Variants in TRAK2 observed in about 807,000 individuals in gnomAD.
TRAK2 encodes trafficking kinesin-binding protein 2.
Under a neutral mutation model 104.6 loss-of-function variants are expected in TRAK2, and 81 were observed. The ratio of observed to expected loss-of-function variants is 0.77; its 90% CI spans 0.65 to 0.93. The LOEUF (loss-of-function observed/expected upper bound fraction) is 0.93, where lower values mean the gene tolerates loss of function less well. Among genes scored for constraint, TRAK2 ranks in the 40% least tolerant of loss-of-function variants. The pLI, the probability that TRAK2 is intolerant of heterozygous loss-of-function variation, is 0.00. For synonymous variants in TRAK2, 406 were observed against 394.4 expected, an observed-to-expected ratio of 1.03 and a Z score of -0.35; for missense variants, 1,002 against 1,089.0, an observed-to-expected ratio of 0.92 and a Z score of 1.12.
At chr2:201,424,725 C>G (rs1951772359) in intron 1 of TRAK2, among the ~76,000 whole-genome samples, 1 of 152,124 alleles carries the variant, frequency 6.6e-6, no homozygotes, top group Admixed American at 6.5e-5. Flanking sequence ...GCCTCAGCCT[C>G]CCGAGTAGCT....
chr2:201,419,059 T>C (rs1951717315), intron 2 of TRAK2: 1 of 152,130 alleles, frequency 6.6e-6, no homozygotes, highest in Non-Finnish European at 1.5e-5. Flanking sequence ...GGCAAATGAT[T>C]TGAATAAACA....
intron 1 of TRAK2, among the ~76,000 whole-genome samples, chr2:201,431,922 C>T (rs923173977): frequency 6.6e-6 from 1 of 152,098 alleles, no homozygotes; most frequent in Admixed American, 6.5e-5. Flanking sequence ...TGAATTATGA[C>T]AGGATAATAG....
chr2:201,383,748 G>A (rs2125639758), intron 15 of TRAK2, among the ~76,000 whole-genome samples: 1 of 152,300 alleles, frequency 6.6e-6, no homozygotes, highest in African/African-American at 2.4e-5. Flanking sequence ...GGAACCCTCT[G>A]CACTTGCAGG....
intron 15 of TRAK2, 80 bp from the exon 16 acceptor site, chr2:201,381,298 AG>A (rs1951343020): frequency 1.5e-6 from 2 of 1,297,198 alleles, no homozygotes; most frequent in African/African-American, 3.0e-5. Flanking sequence ...AAGAAATTAT[AG>A]TAGTTATCCT....
In TRAK2 at chr2:201,380,933, A is replaced by T. The variant is rs150651004; in HGVS notation, c.2355T>A (p.Pro785=). 5.5e-5 allele frequency: 88 copies of T among 1,614,010 alleles called. No homozygotes were observed. The African/African-American group carries it at 1.1e-3, about 20-fold the overall frequency. ...GCTCAAAGGGTAAAGGAGAAGGGCA[A>T]GGTGAGTGAGATGGTGAATTTGGTG... ...STPPNSPSHS[P]CPSPLPFEPR... Residue 785 remains proline (P), a synonymous_variant, in exon 16 of 16, where the codon CCT becomes CCA. Transcript: ENST00000332624.
intron 13 of TRAK2, among the ~76,000 whole-genome samples, chr2:201,387,126 C>G (rs530262538): frequency 6.6e-6 from 1 of 152,186 alleles, no homozygotes; most frequent in African/African-American, 2.4e-5. Flanking sequence ...AAGTTACACA[C>G]TCAAAATTTC....
intron 2 of TRAK2, chr2:201,410,429 T>C (rs1951635446): frequency 3.4e-6 from 2 of 586,936 alleles, no homozygotes; most frequent in East Asian, 5.6e-5. Flanking sequence ...ACAGATGTTT[T>C]CTGTCACAGA....
At chr2:201,411,111 G>T (rs1488789005) in intron 2 of TRAK2, 3 of 963,168 alleles carry the variant, frequency 3.1e-6, no homozygotes, top group South Asian at 1.4e-5. Context: ...ACTTGAAGCA[G>T]AAGGTTTAGG....
At position 201,408,312 on chromosome 2, in the gene TRAK2, AATTTTTT is replaced by A. The variant is rs530106424; in HGVS notation, c.92-722_92-716del. 3.8e-3 allele frequency among the ~76,000 whole-genome samples: 582 copies of A among 152,148 alleles called. 1 individual carries two copies. The highest frequency in any genetic ancestry group is 5.3e-3 in the Non-Finnish European group (360 of 67,972). ...TATAACTATGCTTTTTTTAATTTTT[AATTTTTT>A]AATTTTTAAAAGTTTTTATTTTAGG... On this transcript the variant is annotated intron_variant, in intron 2 of 15. Transcript: ENST00000332624.
At chr2:201,390,070 A>C (rs1326829618) in intron 10 of TRAK2, among the ~76,000 whole-genome samples, 190 bp from the exon 11 acceptor site, 1 of 152,242 alleles carries the variant, frequency 6.6e-6, no homozygotes, top group African/African-American at 2.4e-5. Flanking sequence ...ATCTTTTCAA[A>C]TAGGAAAGTA....
intron 1 of TRAK2, among the ~76,000 whole-genome samples, chr2:201,450,364 G>A (rs916900609): frequency 6.6e-6 from 1 of 151,778 alleles, no homozygotes; most frequent in East Asian, 1.9e-4. Flanking sequence ...GCAGTGAGCC[G>A]AGATCACCCC....
chr2:201,421,202 G>T (rs146059219), intron 1 of TRAK2, among the ~76,000 whole-genome samples: 91 of 152,210 alleles, frequency 6.0e-4, no homozygotes, highest in Non-Finnish European at 9.9e-4. Flanking sequence ...AGAATGTTTT[G>T]CAGTAGCATG....
At chr2:201,406,053 G>A (rs1951592145) in intron 3 of TRAK2, among the ~76,000 whole-genome samples, 1 of 152,134 alleles carries the variant, frequency 6.6e-6, no homozygotes, top group African/African-American at 2.4e-5. Context: ...CTAGAAATAA[G>A]AAATACTGTT....
intron 15 of TRAK2, among the ~76,000 whole-genome samples, chr2:201,382,787 TC>T (rs368299468): frequency 4.5e-4 from 69 of 152,322 alleles, no homozygotes; most frequent in Non-Finnish European, 9.1e-4. Context: ...TAATCTTATT[TC>T]CCTCCACACT....
At chr2:201,411,934 T>C (rs1463263167) in intron 2 of TRAK2, 2 of 1,013,328 alleles carry the variant, frequency 2.0e-6, no homozygotes, top group African/African-American at 3.1e-5. Context: ...GCTCCTGGTA[T>C]TGAATGGAAG....
In TRAK2 at chr2:201,379,549, G is replaced by A. The variant is rs1163271872; in HGVS notation, c.*994C>T. ...TTAAAAATATGCATAGCGCACTTTG[G>A]AAAAAGTTGGTTTAGTTGTCACCAA... On this transcript the variant is annotated 3_prime_UTR_variant, in exon 16 of 16. Coordinates refer to ENST00000332624, the MANE Select transcript of TRAK2 (RefSeq NM_015049.3). 6.6e-6 allele frequency: 1 copy of A among 152,442 alleles called. No individual in the cohort carries two copies. Among genetic ancestry groups the A allele is most frequent in the Non-Finnish European group, 1.5e-5 (1 of 68,006 alleles). 9.4% of individuals were successfully genotyped at this position (152,442 alleles called of 1,614,324 possible).
chr2:201,406,285 T>C lies in TRAK2; in HGVS notation c.286+1118A>G, dbSNP rs1001743160. 3.3e-5 allele frequency among the ~76,000 whole-genome samples: 5 copies of C among 152,194 alleles called. No individual in the cohort carries two copies. The South Asian group carries it at 8.3e-4, about 25-fold the overall frequency. ...GTTCTCAGAAACTACTAGAAATAAA[T>C]TGTAGGAAACTGGTGCTAAAAGCAA... On this transcript the variant is annotated intron_variant, in intron 3 of 15. Coordinates refer to ENST00000332624, the MANE Select transcript of TRAK2 (RefSeq NM_015049.3).
intron 1 of TRAK2, among the ~76,000 whole-genome samples, chr2:201,429,486 C>T (rs960596777): frequency 1.3e-5 from 2 of 152,246 alleles, no homozygotes; most frequent in Non-Finnish European, 2.9e-5. Context: ...CTCCCCGTCA[C>T]TTTCAGGTAC....
intron 1 of TRAK2, among the ~76,000 whole-genome samples, chr2:201,430,789 T>C (rs952340119): frequency 2.0e-5 from 3 of 152,242 alleles, no homozygotes; most frequent in Non-Finnish European, 2.9e-5. Context: ...GGTGAGGCGA[T>C]GCCCTGCCCT....
Sources: gnomAD v4.1 joint callset for allele counts (sites outside exome capture counted in the v4.1 genomes callset) on GRCh38, gnomAD v4.1.1 for gene constraint, MANE v1.5 for transcripts, NCBI Gene and HGNC (gene_info 2026-07-23, HGNC 2026-07-21) for gene names.